CCDC15: variants seen among roughly 807,000 people sequenced by gnomAD.
CCDC15 encodes the protein coiled-coil domain containing 15, also known as coiled-coil domain-containing protein 15.
In CCDC15, 105 loss-of-function variants were observed where a neutral mutation model predicts 114.5. The observed-to-expected ratio is 0.92, with a 90% CI of 0.78 to 1.08. The LOEUF is 1.08. Ranked by LOEUF, CCDC15 falls within the 50% of genes least tolerant of loss-of-function variation. CCDC15 has a pLI of 0.00. For synonymous variants in CCDC15, 334 were observed against 377.8 expected (o/e 0.88, Z 1.34); for missense variants, 1,105 against 1,093.6 (o/e 1.01, Z -0.15).
intron 11 of CCDC15, among the ~76,000 whole-genome samples, chr11:124,997,506 C>A (rs980426249): frequency 6.6e-6 from 1 of 152,126 alleles, no homozygotes; most frequent in African/African-American, 2.4e-5. Context: ...CTACTCTGGT[C>A]TTGAGCTCCC....
intron 2 of CCDC15, among the ~76,000 whole-genome samples, chr11:124,957,310 C>T (rs1434655764): frequency 6.6e-6 from 1 of 152,176 alleles, no homozygotes; most frequent in Non-Finnish European, 1.5e-5. Flanking sequence ...ACCTGCTGGG[C>T]TGTAATGTCC....
At chr11:124,971,783 T>C (rs931917420) in intron 4 of CCDC15, among the ~76,000 whole-genome samples, 1 of 152,218 alleles carries the variant, frequency 6.6e-6, no homozygotes, top group Admixed American at 6.5e-5. Context: ...CTATTTGCAT[T>C]CTTTTAGTTT....
rs539276818 is a variant in CCDC15 at position 124,988,080 on chromosome 11, C to T, written c.1854C>T (p.Asn618=). Residue 618 remains asparagine (N), a synonymous_variant, in exon 8 of 16, where the codon AAC becomes AAT. Transcript: ENST00000344762. ...CCAGAGACCTGCATGTTCTCTCCAA[C>T]GACCAGAATATTCTACCCAAATGTC... ...FLPRDLHVLS[N]DQNILPKCQD... 3.5e-5 allele frequency: 56 copies of T among 1,613,308 alleles called. No individual in the cohort carries two copies. The highest frequency in any genetic ancestry group is 1.5e-4 in the Admixed American group (9 of 59,974).
intron 2 of CCDC15, among the ~76,000 whole-genome samples, chr11:124,957,993 C>G (rs903370020): frequency 1.3e-5 from 2 of 152,178 alleles, no homozygotes; most frequent in African/African-American, 4.8e-5. Context: ...TCTAATTCTG[C>G]TACTAGTTAG....
intron 13 of CCDC15, among the ~76,000 whole-genome samples, chr11:125,034,529 C>T (rs1268530325): frequency 6.6e-6 from 1 of 152,140 alleles, no homozygotes; most frequent in African/African-American, 2.4e-5. Context: ...AGTTAGCATC[C>T]CTGAGTTCAT....
chr11:124,959,388 G>T (rs74498123), intron 3 of CCDC15, 124 bp downstream of exon 3: 1 of 807,298 alleles, frequency 1.2e-6, no homozygotes, highest in Non-Finnish European at 1.8e-6. Context: ...TAATTAACTA[G>T]TGAAGACAGT....
At chr11:125,032,136 T>G (rs940219964) in intron 13 of CCDC15, among the ~76,000 whole-genome samples, 1 of 152,228 alleles carries the variant, frequency 6.6e-6, no homozygotes, top group Non-Finnish European at 1.5e-5. Flanking sequence ...TCACTGGATC[T>G]AATCAGCATA....
chr11:124,986,672 T>A, intron 6 of CCDC15, 70 bp from the exon 7 acceptor site: 1 of 1,296,168 alleles, frequency 7.7e-7, no homozygotes, highest in Non-Finnish European at 1.0e-6. Context: ...TGGTGCTGTG[T>A]GTGTGTGTGT....
At chr11:124,973,770 C>T (rs140757250) in intron 4 of CCDC15, among the ~76,000 whole-genome samples, 187 of 152,024 alleles carry the variant, frequency 1.2e-3, no homozygotes, top group African/African-American at 4.3e-3. Flanking sequence ...TAACAGACTA[C>T]AGGCGTGTGC....
rs866035276 is a variant in CCDC15, at chr11:125,040,664, A to G, written c.2809A>G (p.Ile937Val). Residue 937 changes from isoleucine to valine, a missense_variant, in exon 16 of 16, where the codon ATT (isoleucine) becomes GTT (valine). Coordinates refer to ENST00000344762, the MANE Select transcript of CCDC15 (RefSeq NM_025004.3). ...GGGTAATTCAACTCTTCGAGTCGCA[A>G]TTCATAATTTTGCTTCTGCACACAG... is the stretch of plus-strand genomic sequence containing the variant. ...PGGNSTLRVA[I>V]HNFASAHRRT... is the part of the protein sequence containing the mutation. The G allele has an allele frequency of 3.7e-6, 6 of 1,612,252 alleles. No individual in the cohort carries two copies. The highest frequency in any genetic ancestry group is 1.6e-4 in the Middle Eastern group (1 of 6,084).
At chr11:125,029,393 A>G (rs1264908080) in intron 13 of CCDC15, among the ~76,000 whole-genome samples, 1 of 152,240 alleles carries the variant, frequency 6.6e-6, no homozygotes, top group East Asian at 1.9e-4. Flanking sequence ...GCCTAGCATA[A>G]TACAACTATT....
At chr11:124,965,392 T>G (rs1215492927) in intron 4 of CCDC15, among the ~76,000 whole-genome samples, 1 of 152,202 alleles carries the variant, frequency 6.6e-6, no homozygotes, top group Non-Finnish European at 1.5e-5. Flanking sequence ...GTGGAGGAAT[T>G]TATCCATTTC....
chr11:125,024,574 A>G (rs1419886299), intron 13 of CCDC15, among the ~76,000 whole-genome samples: 1 of 152,074 alleles, frequency 6.6e-6, no homozygotes, highest in African/African-American at 2.4e-5. Context: ...GCTATTATAA[A>G]TGGTGCTGTT....
chr11:125,007,328 C>G (rs1040452630), intron 13 of CCDC15, among the ~76,000 whole-genome samples: 1 of 152,138 alleles, frequency 6.6e-6, no homozygotes, highest in African/African-American at 2.4e-5. Flanking sequence ...TGAGAACATG[C>G]GATGTTTGTC....
intron 5 of CCDC15, among the ~76,000 whole-genome samples, chr11:124,976,044 G>A (rs775590164): frequency 5.9e-5 from 9 of 151,574 alleles, no homozygotes; most frequent in South Asian, 2.1e-4. Context: ...TGGCATTAAT[G>A]TTTTATAGGC....
intron 13 of CCDC15, among the ~76,000 whole-genome samples, chr11:125,037,104 G>C (rs12801929): frequency 0.022 from 3,372 of 152,168 alleles, 55 homozygotes; most frequent in Middle Eastern, 0.048. Flanking sequence ...GATGCCCAAC[G>C]TTATGAGTTT....
chr11:125,040,760 TC>T lies in CCDC15; in HGVS notation c.*52del. On this transcript the variant is annotated 3_prime_UTR_variant, in exon 16 of 16. Transcript: ENST00000344762. Reference sequence around the variant, plus strand: ...GTATTTTGGCTTTTACTTAAAATCATCCCTGAGAGAGTATTTAAGAAAAGCT... The same window carrying T: ...GTATTTTGGCTTTTACTTAAAATCATCCTGAGAGAGTATTTAAGAAAAGCT... The T allele has an allele frequency of 6.6e-7, 1 of 1,516,242 alleles. No individual in the cohort carries two copies. Among genetic ancestry groups the T allele is most frequent in the Non-Finnish European group, 9.1e-7 (1 of 1,102,576 alleles). 93.9% of individuals were successfully genotyped at this position (1,516,242 alleles called of 1,614,324 possible). A position where few individuals can be genotyped will look rare whatever the true frequency, so the allele number is the denominator to read the frequency against.
At chr11:124,988,784 T>C (rs1015875866) in intron 8 of CCDC15, among the ~76,000 whole-genome samples, 1 of 152,242 alleles carries the variant, frequency 6.6e-6, no homozygotes, top group African/African-American at 2.4e-5. Context: ...CTTTCTTTGC[T>C]CATCATAAGA....
chr11:125,013,453 T>A (rs886619891), intron 13 of CCDC15, among the ~76,000 whole-genome samples: 1 of 152,098 alleles, frequency 6.6e-6, no homozygotes, highest in African/African-American at 2.4e-5. Context: ...TAGAATAATC[T>A]AAAAAAGAAA....
Sources: gnomAD v4.1 joint callset for allele counts (sites outside exome capture counted in the v4.1 genomes callset) on GRCh38, gnomAD v4.1.1 for gene constraint, MANE v1.5 for transcripts, NCBI Gene and HGNC (gene_info 2026-07-23, HGNC 2026-07-21) for gene names.